Variants in CERKL observed in about 807,000 individuals in gnomAD.
CERKL encodes CERK like autophagy regulator, also known as ceramide kinase-like protein.
A neutral mutation model predicts 63.4 loss-of-function variants in CERKL; 61 were observed. The observed-to-expected ratio is 0.96, with a 90% CI of 0.78 to 1.19. The LOEUF is 1.19. Ranked by LOEUF, CERKL falls within the 50% of genes most tolerant of loss-of-function variation. The probability of loss-of-function intolerance (pLI) is 0.00; values close to 1 mark genes in which losing one functional copy is unlikely to be tolerated. For synonymous variants in CERKL, 250 were observed against 230.5 expected, an observed-to-expected ratio of 1.08 and a Z score of -0.77; for missense variants, 675 against 655.5, an observed-to-expected ratio of 1.03 and a Z score of -0.33.
intron 1 of CERKL, among the ~76,000 whole-genome samples, chr2:181,639,986 A>G (rs1411082103): frequency 6.6e-6 from 1 of 151,292 alleles, no homozygotes; most frequent in African/African-American, 2.5e-5. Context: ...GTACATGGGA[A>G]TTCCCTGATG....
At chr2:181,591,626 C>G (rs572919826) in intron 2 of CERKL, among the ~76,000 whole-genome samples, 6 of 152,082 alleles carry the variant, frequency 3.9e-5, no homozygotes, top group African/African-American at 1.4e-4. Context: ...ATACATCATA[C>G]GATTGGGCAA....
chr2:181,590,205 T>C (rs934976620), intron 2 of CERKL, among the ~76,000 whole-genome samples: 1 of 152,040 alleles, frequency 6.6e-6, no homozygotes, highest in Admixed American at 6.6e-5. Flanking sequence ...TGGCACGATC[T>C]TGACTCACTG....
At chr2:181,611,551 G>A (rs922876871) in intron 1 of CERKL, among the ~76,000 whole-genome samples, 5 of 152,070 alleles carry the variant, frequency 3.3e-5, no homozygotes, top group African/African-American at 1.2e-4. Flanking sequence ...TGGGCATGGT[G>A]GTGCTTTCCT....
At chr2:181,619,883 A>G in intron 1 of CERKL, among the ~76,000 whole-genome samples, 1 of 152,314 alleles carries the variant, frequency 6.6e-6, no homozygotes. Context: ...GTTATAAAAT[A>G]CTAATTAAAT....
intron 1 of CERKL, among the ~76,000 whole-genome samples, chr2:181,654,862 G>A (rs1349736184): frequency 6.6e-6 from 1 of 152,136 alleles, no homozygotes; most frequent in African/African-American, 2.4e-5. Flanking sequence ...TCCGCTCACA[G>A]CAACCTCCAA....
intron 2 of CERKL, among the ~76,000 whole-genome samples, chr2:181,585,127 G>A (rs560112513): frequency 1.3e-5 from 2 of 151,770 alleles, no homozygotes; most frequent in Non-Finnish European, 1.5e-5. Flanking sequence ...CTGATTGCCT[G>A]GTAGTACATA....
intron 11 of CERKL, among the ~76,000 whole-genome samples, chr2:181,540,819 G>A (rs755952960): frequency 1.3e-5 from 2 of 152,172 alleles, no homozygotes; most frequent in African/African-American, 2.4e-5. Context: ...TTTGATACAG[G>A]GGAGTGCCAT....
intron 1 of CERKL, among the ~76,000 whole-genome samples, chr2:181,605,962 T>C (rs1310786091): frequency 6.6e-6 from 1 of 151,160 alleles, no homozygotes; most frequent in African/African-American, 2.4e-5. Context: ...CCAACTATTC[T>C]GCAAGCTATA....
intron 2 of CERKL, among the ~76,000 whole-genome samples, chr2:181,584,340 T>C (rs1159750431): frequency 6.8e-6 from 1 of 147,308 alleles, no homozygotes; most frequent in Non-Finnish European, 1.5e-5. Flanking sequence ...AGAGAGATAT[T>C]GTCTCTACAG....
At chr2:181,548,948 G>A in intron 6 of CERKL, 91 bp from the exon 7 acceptor site, 1 of 1,158,286 alleles carries the variant, frequency 8.6e-7, no homozygotes, top group Non-Finnish European at 1.3e-6. Context: ...TGGCTTATAG[G>A]AGAATATCTA....
intron 11 of CERKL, among the ~76,000 whole-genome samples, chr2:181,541,977 A>C (rs56073441): frequency 0.097 from 14,714 of 152,212 alleles, 982 homozygotes; most frequent in East Asian, 0.22. Flanking sequence ...AGACGAGATG[A>C]CAGAACCCTT....
intron 1 of CERKL, among the ~76,000 whole-genome samples, chr2:181,648,309 T>A (rs546837297): frequency 6.6e-6 from 1 of 152,174 alleles, no homozygotes; most frequent in Admixed American, 6.5e-5. Context: ...TGTAAGGGAA[T>A]CCTAATTAGA....
chr2:181,571,119 A>G (rs1688883924), intron 3 of CERKL, among the ~76,000 whole-genome samples: 1 of 152,194 alleles, frequency 6.6e-6, no homozygotes, highest in Non-Finnish European at 1.5e-5. Context: ...TAACACTGTA[A>G]GATAGGCAGG....
intron 12 of CERKL, among the ~76,000 whole-genome samples, chr2:181,538,742 T>A (rs964368898): frequency 2.0e-5 from 3 of 152,132 alleles, no homozygotes; most frequent in Non-Finnish European, 4.4e-5. Context: ...ATCTAACACT[T>A]TACTATTCAG....
At chr2:181,629,681 G>C (rs1427922642) in intron 1 of CERKL, among the ~76,000 whole-genome samples, 3 of 150,454 alleles carry the variant, frequency 2.0e-5, no homozygotes, top group Non-Finnish European at 2.9e-5. Flanking sequence ...GAAAACTTTA[G>C]AACAAGCAAA....
At chr2:181,637,828 T>C (rs1240862715) in intron 1 of CERKL, among the ~76,000 whole-genome samples, 1 of 152,166 alleles carries the variant, frequency 6.6e-6, no homozygotes, top group African/African-American at 2.4e-5. Flanking sequence ...GTTGGGGGTA[T>C]AACTTCACAG....
chr2:181,589,864 G>A (rs934512793), intron 2 of CERKL, among the ~76,000 whole-genome samples: 5 of 152,170 alleles, frequency 3.3e-5, no homozygotes, highest in Non-Finnish European at 7.3e-5. Context: ...TCACTCTGTT[G>A]CCTAGGCTGG....
chr2:181,591,140 A>C (rs911373278), intron 2 of CERKL, among the ~76,000 whole-genome samples: 2 of 152,310 alleles, frequency 1.3e-5, no homozygotes, highest in African/African-American at 4.8e-5. Context: ...GTTTAAAAGG[A>C]AAGTGGCAAA....
intron 2 of CERKL, among the ~76,000 whole-genome samples, chr2:181,577,300 C>A (rs1043325336): frequency 1.3e-5 from 2 of 152,152 alleles, no homozygotes; most frequent in Non-Finnish European, 2.9e-5. Flanking sequence ...GTAGTCTGCA[C>A]AGGACTGCAA....
Sources: gnomAD v4.1 joint callset for allele counts (sites outside exome capture counted in the v4.1 genomes callset) on GRCh38, gnomAD v4.1.1 for gene constraint, MANE v1.5 for transcripts, NCBI Gene and HGNC (gene_info 2026-07-23, HGNC 2026-07-21) for gene names.